Variants in ASZ1 observed in about 807,000 individuals in gnomAD.
ASZ1 encodes ankyrin repeat, SAM and basic leucine zipper domain-containing protein 1.
ASZ1 carries 67 observed loss-of-function variants against 61.8 expected under a neutral mutation model. That is an observed-to-expected ratio of 1.08 (90% CI 0.89 to 1.33). The LOEUF is 1.33. ASZ1 is among the 40% of genes most tolerant of loss of function. The pLI is 0.00. For missense variants in ASZ1, 577 were observed against 554.5 expected (o/e 1.04, Z -0.41); for synonymous variants, 193 against 192.7 (o/e 1.00, Z -0.01).
chr7:117,420,075 G>C (rs757461111), intron 4 of ASZ1, 88 bp downstream of exon 4: 37 of 907,272 alleles, frequency 4.1e-5, no homozygotes, highest in Non-Finnish European at 5.8e-5. Context: ...ATTTGGCCAA[G>C]TAAACATTGT....
chr7:117,419,585 T>C (rs1043307161), intron 4 of ASZ1, among the ~76,000 whole-genome samples: 1 of 152,176 alleles, frequency 6.6e-6, no homozygotes, highest in Non-Finnish European at 1.5e-5. Flanking sequence ...AAATAGAAGA[T>C]AGAGTCAGAA....
chr7:117,374,415 G>A (rs1203707267), intron 10 of ASZ1, among the ~76,000 whole-genome samples: 2 of 152,002 alleles, frequency 1.3e-5, no homozygotes, highest in Non-Finnish European at 2.9e-5. Context: ...TATACACCAA[G>A]CTCCTTAGGT....
chr7:117,379,133 TTATATA>T (rs370500034), intron 10 of ASZ1, among the ~76,000 whole-genome samples: 16 of 104,690 alleles, frequency 1.5e-4, no homozygotes, highest in South Asian at 1.5e-3. Context: ...TGTGATAAAA[TTATATA>T]TATATATATA....
chr7:117,393,261 T>C (rs1283567808), intron 4 of ASZ1, among the ~76,000 whole-genome samples: 1 of 152,218 alleles, frequency 6.6e-6, no homozygotes, highest in Non-Finnish European at 1.5e-5. Context: ...TCTAGGTAAA[T>C]ATCAATTAGA....
intron 10 of ASZ1, among the ~76,000 whole-genome samples, chr7:117,376,959 T>C (rs1459215307): frequency 6.6e-6 from 1 of 152,058 alleles, no homozygotes; most frequent in African/African-American, 2.4e-5. Flanking sequence ...AAAAAAGGTA[T>C]ACAAATGTGA....
In ASZ1 at chr7:117,420,144, C is replaced by A; in HGVS notation, c.440+19G>T. ...ATTCTAATTTGACTTGAATTTTGAACAGATATAAAGGCTCTTACCTACAAG... is the reference window on the plus strand; with the variant it reads ...ATTCTAATTTGACTTGAATTTTGAAAAGATATAAAGGCTCTTACCTACAAG... On this transcript the variant is annotated intron_variant, in intron 4 of 12. Transcript: ENST00000284629. 6.5e-7 allele frequency: 1 copy of A among 1,544,918 alleles called. No homozygotes were observed. Among genetic ancestry groups the A allele is most frequent in the Non-Finnish European group, 8.8e-7 (1 of 1,136,952 alleles).
At chr7:117,372,502 G>A (rs888049391) in intron 10 of ASZ1, among the ~76,000 whole-genome samples, 1 of 152,028 alleles carries the variant, frequency 6.6e-6, no homozygotes, top group Non-Finnish European at 1.5e-5. Context: ...TGATATAGAC[G>A]ATCAGGAAAT....
intron 10 of ASZ1, among the ~76,000 whole-genome samples, chr7:117,377,966 G>A (rs969852346): frequency 6.6e-6 from 1 of 151,772 alleles, no homozygotes; most frequent in Non-Finnish European, 1.5e-5. Flanking sequence ...AATAGTGCTG[G>A]GGCAATTATC....
chr7:117,414,027 T>C (rs1473125332), intron 4 of ASZ1, among the ~76,000 whole-genome samples: 1 of 152,120 alleles, frequency 6.6e-6, no homozygotes, highest in East Asian at 1.9e-4. Flanking sequence ...TCAGAAGCTA[T>C]AATCCAGAAT....
intron 8 of ASZ1, among the ~76,000 whole-genome samples, chr7:117,381,696 T>G (rs182614014): frequency 6.6e-6 from 1 of 152,238 alleles, no homozygotes. Context: ...ATGAGATATT[T>G]AAGTCACATA....
At chr7:117,412,148 A>G (rs191286902) in intron 4 of ASZ1, among the ~76,000 whole-genome samples, 17 of 151,610 alleles carry the variant, frequency 1.1e-4, no homozygotes, top group African/African-American at 3.9e-4. Flanking sequence ...TTACCAAACT[A>G]CTTAAAATAG....
intron 10 of ASZ1, among the ~76,000 whole-genome samples, chr7:117,370,380 G>A (rs1796024494): frequency 6.6e-6 from 1 of 152,142 alleles, no homozygotes; most frequent in Non-Finnish European, 1.5e-5. Flanking sequence ...CTGAGAAGTA[G>A]AAGAAAATCA....
At chr7:117,382,350 C>T (rs951882587) in intron 7 of ASZ1, among the ~76,000 whole-genome samples, 7 of 152,104 alleles carry the variant, frequency 4.6e-5, no homozygotes, top group Non-Finnish European at 5.9e-5. Context: ...CATCTTTCCC[C>T]AAATGAAAAT....
chr7:117,414,993 T>C (rs762194834), intron 4 of ASZ1, among the ~76,000 whole-genome samples: 6 of 152,202 alleles, frequency 3.9e-5, no homozygotes, highest in Non-Finnish European at 7.3e-5. Flanking sequence ...TTTGAGTATA[T>C]ACCTAGTAAT....
intron 4 of ASZ1, among the ~76,000 whole-genome samples, chr7:117,408,441 A>G (rs1157388789): frequency 6.6e-6 from 1 of 152,192 alleles, no homozygotes; most frequent in Non-Finnish European, 1.5e-5. Context: ...TATTTATTAT[A>G]TCACAGTATC....
rs759520409 is a variant in ASZ1, at chr7:117,426,824, C to G, written c.205+12G>C. ...CAGCTGTGTTCAGATGAAACTGTCCCTTATCTCTCACCAGAATCTAGGAGC... is the reference window on the plus strand; with the variant it reads ...CAGCTGTGTTCAGATGAAACTGTCCGTTATCTCTCACCAGAATCTAGGAGC... On this transcript the variant is annotated intron_variant, in intron 2 of 12. Transcript: ENST00000284629. 6.3e-7 allele frequency: 1 copy of G among 1,589,802 alleles called. No homozygotes were observed.
Position 117,384,725 on chromosome 7 carries a change from C to A in ASZ1, c.687+1G>T. The A allele has an allele frequency of 1.2e-6, 2 of 1,610,980 alleles. No homozygotes were observed. Among genetic ancestry groups the A allele is most frequent in the African/African-American group, 1.3e-5 (1 of 74,780 alleles). ...TAAGTTTAATATGTACAGAAGGATA[C>A]CTCATGATGTTTGTTTCTTTTTGCA... On this transcript the variant is annotated splice_donor_variant, in intron 6 of 12. Transcript: ENST00000284629. LOFTEE classifies it high-confidence loss of function.
Position 117,392,091 on chromosome 7 carries a change from C to T in ASZ1, c.441-6282G>A, listed in dbSNP as rs188609350. On this transcript the variant is annotated intron_variant, in intron 4 of 12. Transcript: ENST00000284629. Reference sequence around the variant, plus strand: ...TACAGGTGTGAGCCACTGTGCCCGGCCTCATATGACTTTTAGAATAGTTTT... The same window carrying T: ...TACAGGTGTGAGCCACTGTGCCCGGTCTCATATGACTTTTAGAATAGTTTT... Among the ~76,000 whole-genome samples, 109 of 152,224 alleles carry T rather than the reference C, an allele frequency of 7.2e-4. 2 individuals carry two copies. The East Asian group carries it at 0.02, about 27-fold the overall frequency.
At chr7:117,410,220 A>T (rs1252850772) in intron 4 of ASZ1, among the ~76,000 whole-genome samples, 1 of 151,712 alleles carries the variant, frequency 6.6e-6, no homozygotes, top group Non-Finnish European at 1.5e-5. Context: ...ATTTTACATG[A>T]TATTGCATCT....
Sources: allele counts gnomAD v4.1 joint callset (sites outside exome capture counted in the v4.1 genomes callset), GRCh38; gene constraint gnomAD v4.1.1; transcripts MANE v1.5; gene names NCBI Gene and HGNC (gene_info 2026-07-23, HGNC 2026-07-21).